Variants in OIT3 observed in about 807,000 individuals in gnomAD.
The protein encoded by OIT3 is oncoprotein induced transcript 3, also known as oncoprotein-induced transcript 3 protein.
A neutral mutation model predicts 52.2 loss-of-function variants in OIT3; 41 were observed. The observed-to-expected ratio is 0.79, with a 90% CI of 0.61 to 1.02. OIT3 has a LOEUF of 1.02. OIT3 is among the 50% of genes least tolerant of loss of function. The pLI, the probability that OIT3 is intolerant of heterozygous loss-of-function variation, is 0.00. For synonymous variants in OIT3, 244 were observed against 276.9 expected (o/e 0.88, Z 1.18); for missense variants, 634 against 715.5 (o/e 0.89, Z 1.30).
chr10:72,919,807 C>T (rs146616229), intron 6 of OIT3, among the ~76,000 whole-genome samples: 2 of 152,062 alleles, frequency 1.3e-5, no homozygotes, highest in Non-Finnish European at 2.9e-5. Context: ...CCTACTTGAT[C>T]GTGGTGAATA....
At chr10:72,929,884 A>G (rs569628292) in intron 7 of OIT3, among the ~76,000 whole-genome samples, 173 of 152,252 alleles carry the variant, frequency 1.1e-3, no homozygotes, top group Non-Finnish European at 2.0e-3. Context: ...AAGTGAACCT[A>G]GGTGTTTTGC....
At chr10:72,914,688 C>T (rs1408686439) in intron 6 of OIT3, among the ~76,000 whole-genome samples, 3 of 152,268 alleles carry the variant, frequency 2.0e-5, no homozygotes, top group African/African-American at 7.2e-5. Flanking sequence ...AGAGTTCACA[C>T]AAGGTCATGC....
intron 1 of OIT3, among the ~76,000 whole-genome samples, chr10:72,897,285 A>C (rs943248036): frequency 6.6e-6 from 1 of 152,184 alleles, no homozygotes; most frequent in South Asian, 2.1e-4. Context: ...CGGCCCCCCA[A>C]AGTGCTGGGA....
intron 7 of OIT3, among the ~76,000 whole-genome samples, chr10:72,926,340 CT>C (rs1425857634): frequency 6.6e-6 from 1 of 152,210 alleles, no homozygotes; most frequent in African/African-American, 2.4e-5. Context: ...AACTGAGATG[CT>C]TTTTAACAAA....
At chr10:72,908,434 T>G (rs893849729) in intron 4 of OIT3, among the ~76,000 whole-genome samples, 2 of 152,166 alleles carry the variant, frequency 1.3e-5, no homozygotes, top group Non-Finnish European at 2.9e-5. Context: ...CTAGCAATAT[T>G]CAAAATAATA....
intron 3 of OIT3, among the ~76,000 whole-genome samples, chr10:72,906,300 A>G (rs1845978144): frequency 6.6e-6 from 1 of 152,214 alleles, no homozygotes; most frequent in East Asian, 1.9e-4. Context: ...ATTCACCAAT[A>G]CAAATAGGTA....
chr10:72,907,154 T>A (rs986768806), intron 4 of OIT3, among the ~76,000 whole-genome samples: 2 of 152,010 alleles, frequency 1.3e-5, no homozygotes, highest in African/African-American at 4.8e-5. Context: ...ATGCTTGTAG[T>A]CCCAGCCACT....
At chr10:72,926,294 C>T (rs753249541) in intron 7 of OIT3, among the ~76,000 whole-genome samples, 9 of 152,198 alleles carry the variant, frequency 5.9e-5, no homozygotes, top group East Asian at 1.9e-4. Flanking sequence ...CAATCTCTTG[C>T]GCAGTGATAT....
chr10:72,927,946 A>G (rs1314741535), intron 7 of OIT3, among the ~76,000 whole-genome samples: 3 of 152,146 alleles, frequency 2.0e-5, no homozygotes, highest in South Asian at 2.1e-4. Flanking sequence ...AATTCCTAGC[A>G]TATGGTAAGG....
chr10:72,918,570 G>A (rs1319486629), intron 6 of OIT3: 65 of 945,578 alleles, frequency 6.9e-5, no homozygotes, highest in Admixed American at 8.7e-5. Flanking sequence ...GAGAGAAGGC[G>A]GATGGAGATA....
intron 3 of OIT3, among the ~76,000 whole-genome samples, chr10:72,905,821 C>T (rs917348495): frequency 6.6e-6 from 1 of 152,142 alleles, no homozygotes; most frequent in African/African-American, 2.4e-5. Flanking sequence ...TTCTGGGGTC[C>T]TAGACTTAAG....
intron 7 of OIT3, among the ~76,000 whole-genome samples, chr10:72,929,372 A>T (rs1402971609): frequency 1.3e-5 from 2 of 151,942 alleles, no homozygotes; most frequent in Non-Finnish European, 2.9e-5. Flanking sequence ...AAAAAAAAAA[A>T]AGTTCCTCTA....
At chr10:72,932,011 C>T (rs539787062) in intron 8 of OIT3, among the ~76,000 whole-genome samples, 18 of 152,266 alleles carry the variant, frequency 1.2e-4, no homozygotes, top group South Asian at 2.1e-4. Flanking sequence ...TATCCCCAGA[C>T]CTTGGTGTGA....
chr10:72,929,520 C>T (rs1232384125), intron 7 of OIT3, among the ~76,000 whole-genome samples: 2 of 151,890 alleles, frequency 1.3e-5, no homozygotes, highest in Non-Finnish European at 2.9e-5. Context: ...CAATTATCAT[C>T]GTGCCTCAGC....
In OIT3 at chr10:72,932,558, G is replaced by A. The variant is rs772585304; in HGVS notation, c.*34G>A. On this transcript the variant is annotated 3_prime_UTR_variant, in exon 9 of 9. Coordinates refer to ENST00000334011, the MANE Select transcript of OIT3 (RefSeq NM_152635.3). ...CATACCTCGAGTCCCTGCATTGGACGGCTCTGCTCTTTGGAGCTTCTCCCC... is the reference window on the plus strand; with the variant it reads ...CATACCTCGAGTCCCTGCATTGGACAGCTCTGCTCTTTGGAGCTTCTCCCC... 41 of 1,538,896 alleles carry A rather than the reference G, an allele frequency of 2.7e-5. No homozygotes were observed. Among genetic ancestry groups the A allele is most frequent in the East Asian group, 1.1e-4 (5 of 44,070 alleles).
At chr10:72,926,951 A>G (rs1300238112) in intron 7 of OIT3, among the ~76,000 whole-genome samples, 1 of 152,194 alleles carries the variant, frequency 6.6e-6, no homozygotes, top group East Asian at 1.9e-4. Flanking sequence ...AGCCATCACA[A>G]TAATCAAGAT....
Position 72,924,460 on chromosome 10 carries a change from A to G in OIT3, c.1183A>G (p.Lys395Glu). 6.2e-7 allele frequency: 1 copy of G among 1,614,132 alleles called. No individual in the cohort carries two copies. Among genetic ancestry groups the G allele is most frequent in the Non-Finnish European group, 8.5e-7 (1 of 1,179,990 alleles). Residue 395 changes from lysine (K) to glutamate (E), a missense_variant, in exon 7 of 9, where the codon AAG (lysine) becomes GAG (glutamate). Lys to Glu is a moderately conservative substitution (Grantham distance 56). Transcript: ENST00000334011. ...GIFPFTLEIFKDNEFEEPYRE... is the reference protein window; with the variant it reads ...GIFPFTLEIFEDNEFEEPYRE... ...CTTCCCATTCACTCTGGAGATCTTC[A>G]AGGACAATGAGTTTGAAGAGCCTTA...
chr10:72,904,789 T>G (rs1174508849), intron 3 of OIT3, among the ~76,000 whole-genome samples: 1 of 152,192 alleles, frequency 6.6e-6, no homozygotes, highest in Non-Finnish European at 1.5e-5. Flanking sequence ...GTTGTAGTTT[T>G]TTCTGTAGGA....
rs372698998 is a variant in OIT3, at chr10:72,893,813, G to A, written c.15G>A (p.Leu5=). The part of the protein sequence containing the change: MPPF[L]LLTCLFITGT... ...GGTCCAGAAGGATGCCTCCATTCCT[G>A]CTTCTCACCTGCCTCTTCATCACAG... Residue 5 remains leucine, a synonymous_variant, in exon 1 of 9, where the codon CTG becomes CTA. Transcript: ENST00000334011. 2 of 1,610,076 alleles carry A rather than the reference G, an allele frequency of 1.2e-6. No homozygotes were observed. Among genetic ancestry groups the A allele is most frequent in the Non-Finnish European group, 1.7e-6 (2 of 1,178,236 alleles).
Sources: gnomAD v4.1 joint callset for allele counts (sites outside exome capture counted in the v4.1 genomes callset) on GRCh38, gnomAD v4.1.1 for gene constraint, MANE v1.5 for transcripts, NCBI Gene and HGNC (gene_info 2026-07-23, HGNC 2026-07-21) for gene names.